Variants in NPAS3 observed in about 807,000 individuals in gnomAD.
NPAS3 encodes neuronal PAS domain protein 3.
A neutral mutation model predicts 73.1 loss-of-function variants in NPAS3; 14 were observed. The observed-to-expected ratio is 0.19, with a 90% CI of 0.13 to 0.30. NPAS3 has a LOEUF of 0.30. NPAS3 is among the 10% of genes least tolerant of loss of function. The pLI, the probability that NPAS3 is intolerant of heterozygous loss-of-function variation, is 1.00. For synonymous variants in NPAS3, 620 were observed against 541.5 expected (o/e 1.14, Z -2.01); for missense variants, 1,096 against 1,250.0 (o/e 0.88, Z 1.86).
chr14:33,777,829 T>C (rs1196334701), intron 8 of NPAS3, among the ~76,000 whole-genome samples: 1 of 152,206 alleles, frequency 6.6e-6, no homozygotes, highest in Non-Finnish European at 1.5e-5. Flanking sequence ...GAAGAGCTGC[T>C]GAAATGGTTT....
intron 1 of NPAS3, among the ~76,000 whole-genome samples, chr14:33,053,716 C>T (rs1233855980): frequency 6.6e-6 from 1 of 152,094 alleles, no homozygotes; most frequent in African/African-American, 2.4e-5. Context: ...TGACAGTTTC[C>T]TCTATGGTAC....
intron 6 of NPAS3, among the ~76,000 whole-genome samples, chr14:33,729,877 A>G (rs1022682584): frequency 7.2e-5 from 11 of 152,166 alleles, no homozygotes; most frequent in Admixed American, 6.6e-5. Flanking sequence ...TAAAACTACC[A>G]CAGATGTCAT....
chr14:33,699,806 AG>A (rs1272268913), intron 6 of NPAS3, among the ~76,000 whole-genome samples: 2 of 152,132 alleles, frequency 1.3e-5, no homozygotes, highest in African/African-American at 2.4e-5. Context: ...CCTGTGGGTG[AG>A]GCGATGAACC....
At chr14:33,647,786 A>G (rs7159875) in intron 5 of NPAS3, among the ~76,000 whole-genome samples, 92,367 of 151,814 alleles carry the variant, frequency 0.61, 28,084 homozygotes, top group East Asian at 0.69. Context: ...GTTCCCGTAT[A>G]TAGTTGGTTT....
chr14:33,005,120 A>T (rs1241778252), intron 1 of NPAS3, among the ~76,000 whole-genome samples: 6 of 152,064 alleles, frequency 3.9e-5, no homozygotes, highest in African/African-American at 1.4e-4. Context: ...TAGTATAAGA[A>T]ATGCCTAAAC....
At chr14:33,606,678 G>A (rs1025787381) in intron 5 of NPAS3, among the ~76,000 whole-genome samples, 1 of 152,024 alleles carries the variant, frequency 6.6e-6, no homozygotes, top group Non-Finnish European at 1.5e-5. Context: ...TGTGACCTTC[G>A]GTTAGATAAA....
Position 33,800,749 on chromosome 14 carries a change from C to G in NPAS3, c.2442C>G (p.Ala814=). The stretch of plus-strand genomic sequence containing the variant: ...TGCACAGGGTGACCGGGACCCTGGC[C>G]GCCACCAGCACGGCCGCGCAGAGGG... The change falls in exon 12 of 12, where the codon GCC becomes GCG. Residue 814 remains alanine (A), a synonymous_variant. Coordinates refer to ENST00000356141, the Ensembl canonical transcript of NPAS3. The surrounding 1 kb of genome is among the most constrained non-coding windows in gnomAD (Gnocchi z 6.5). The G allele has an allele frequency of 6.4e-7, 1 of 1,562,760 alleles. No homozygotes were observed. Among genetic ancestry groups the G allele is most frequent in the South Asian group, 1.2e-5 (1 of 85,272 alleles).
intron 3 of NPAS3, among the ~76,000 whole-genome samples, chr14:33,358,413 G>A (rs1389216641): frequency 6.6e-6 from 1 of 152,036 alleles, no homozygotes; most frequent in Non-Finnish European, 1.5e-5. Context: ...CGTTGTCGCG[G>A]GCAGGATGAT....
chr14:33,364,224 G>A (rs888772705), intron 3 of NPAS3, among the ~76,000 whole-genome samples: 1 of 152,094 alleles, frequency 6.6e-6, no homozygotes, highest in Non-Finnish European at 1.5e-5. Context: ...AGTTGTTTTA[G>A]ATCATTAATG....
chr14:33,064,283 A>G (rs1416150116), intron 2 of NPAS3, among the ~76,000 whole-genome samples: 4 of 152,248 alleles, frequency 2.6e-5, no homozygotes, highest in Admixed American at 2.6e-4. Context: ...TAAGAAAAAT[A>G]TGCAGCAAGA....
rs1195213186 is a variant in NPAS3 at position 33,308,553 on chromosome 14, C to CACACACACACACACAT, written c.386-58630_386-58629insCACACACACACATACA. On this transcript the variant is annotated intron_variant, in intron 3 of 11. Coordinates refer to ENST00000356141, the Ensembl canonical transcript of NPAS3. ...ACATACACACACACACACACACACA[C>CACACACACACACACAT]ACATACATACATTATATATATGTAT... Among the ~76,000 whole-genome samples the CACACACACACACACAT allele has an allele frequency of 9.9e-4, 113 of 113,690 alleles. 1 individual carries two copies. Among genetic ancestry groups the CACACACACACACACAT allele is most frequent in the African/African-American group, 3.9e-3 (99 of 25,188 alleles). The allele number at this position is 113,690 out of a possible 152,430, so 74.6% of individuals were successfully genotyped here. A position where few individuals can be genotyped will look rare whatever the true frequency, so the allele number is the denominator to read the frequency against.
chr14:33,527,234 G>C (rs1395440633), intron 4 of NPAS3, among the ~76,000 whole-genome samples: 1 of 152,134 alleles, frequency 6.6e-6, no homozygotes, highest in Non-Finnish European at 1.5e-5. Context: ...CCTTGTCAGG[G>C]GTGCTCCGAA....
intron 6 of NPAS3, among the ~76,000 whole-genome samples, chr14:33,707,021 T>G (rs1459288476): frequency 6.6e-6 from 1 of 152,218 alleles, no homozygotes; most frequent in Non-Finnish European, 1.5e-5. Flanking sequence ...TAAAATATTA[T>G]GTGTCCTCTA....
At chr14:33,278,410 A>G (rs2041434686) in intron 3 of NPAS3, among the ~76,000 whole-genome samples, 2 of 152,088 alleles carry the variant, frequency 1.3e-5, no homozygotes, top group Admixed American at 1.3e-4. Context: ...AGACCTGCCA[A>G]TATTTATAGA....
chr14:33,641,406 C>T (rs532014621), intron 5 of NPAS3, among the ~76,000 whole-genome samples: 5 of 152,174 alleles, frequency 3.3e-5, no homozygotes, highest in Non-Finnish European at 5.9e-5. Context: ...AATTAATCTC[C>T]TCATACCAGC....
In NPAS3 at chr14:33,726,216, C is replaced by G. The variant is rs147174515; in HGVS notation, c.734-8998C>G. Among the ~76,000 whole-genome samples the G allele has an allele frequency of 3.0e-3, 461 of 152,298 alleles. 4 individuals carry two copies. The highest frequency in any genetic ancestry group is 0.011 in the African/African-American group (449 of 41,578). On this transcript the variant is annotated intron_variant, in intron 6 of 11. Transcript: ENST00000356141. ...CACTTTTTGACTGAAGCTGCTTTCTCTGGAGATCTCTAAAGACTTGCCAAT... is the reference window on the plus strand; with the variant it reads ...CACTTTTTGACTGAAGCTGCTTTCTGTGGAGATCTCTAAAGACTTGCCAAT...
intron 4 of NPAS3, among the ~76,000 whole-genome samples, chr14:33,428,948 A>C (rs2048668980): frequency 6.6e-6 from 1 of 152,140 alleles, no homozygotes; most frequent in South Asian, 2.1e-4. Context: ...AATAGTAATA[A>C]AACTAGACAC....
intron 1 of NPAS3, among the ~76,000 whole-genome samples, chr14:33,023,031 C>T (rs1188363966): frequency 4.6e-5 from 7 of 151,910 alleles, no homozygotes; most frequent in Non-Finnish European, 7.4e-5. Flanking sequence ...CTGAGAGCTG[C>T]CCTCAAAGAC....
intron 1 of NPAS3, among the ~76,000 whole-genome samples, chr14:32,960,560 A>G (rs1382769346): frequency 6.6e-6 from 1 of 152,200 alleles, no homozygotes; most frequent in East Asian, 1.9e-4. Context: ...TATTTCATGC[A>G]CTATTACAGC....
Sources: gnomAD v4.1 joint callset for allele counts (sites outside exome capture counted in the v4.1 genomes callset) on GRCh38, gnomAD v4.1.1 for gene constraint, Gnocchi (gnomAD v3.1) non-coding constraint, MANE v1.5 for transcripts, NCBI Gene and HGNC (gene_info 2026-07-23, HGNC 2026-07-21) for gene names.